The following LAMA5 variants were observed in gnomAD, a reference collection of about 807,000 sequenced individuals.
LAMA5 encodes laminin subunit alpha-5.
LAMA5 carries 260 observed loss-of-function variants against 433.4 expected under a neutral mutation model. The observed-to-expected ratio is 0.60, with a 90% CI of 0.54 to 0.66. The LOEUF is 0.66. Ranked by LOEUF, LAMA5 falls within the 30% of genes least tolerant of loss-of-function variation. The pLI is 0.00. For missense variants in LAMA5, 5,378 were observed against 5,258.5 expected, an observed-to-expected ratio of 1.02 and a Z score of -0.70; for synonymous variants, 2,620 against 2,226.6, an observed-to-expected ratio of 1.18 and a Z score of -4.97.
In LAMA5 at chr20:62,309,278, C is replaced by CA; in HGVS notation, c.*57dup. ...CAAATAGACACCTATGAGGCGAGCA[C>CA]AAGGGGCGGTGTGAGGCAGCTGCAG... On this transcript the variant is annotated 3_prime_UTR_variant, in exon 80 of 80. Coordinates refer to ENST00000252999, the MANE Select transcript of LAMA5 (RefSeq NM_005560.6). The CA allele has an allele frequency of 3.9e-6, 6 of 1,555,848 alleles. No homozygotes were observed. The South Asian group carries it at 6.9e-5, about 18-fold the overall frequency.
rs1179683393 is a variant in LAMA5 at position 62,346,874 on chromosome 20, G to T, written c.1072+39C>A. The T allele has an allele frequency of 4.4e-6, 7 of 1,608,792 alleles. No individual in the cohort carries two copies. The East Asian group carries it at 1.6e-4, about 36-fold the overall frequency. On this transcript the variant is annotated intron_variant, in intron 7 of 79. Transcript: ENST00000252999. Reference sequence around the variant, plus strand: ...CACCGGGGCCCTCTCATGGGCCAGGGTGTGGGCAGGACACACGTGTGTGGG... The same window carrying T: ...CACCGGGGCCCTCTCATGGGCCAGGTTGTGGGCAGGACACACGTGTGTGGG...
chr20:62,322,306 G>A lies in LAMA5; in HGVS notation c.6309C>T (p.Ala2103=). The change falls in exon 47 of 80, where the codon GCC becomes GCT. Residue 2103 remains alanine, a synonymous_variant. Transcript: ENST00000252999. The part of the protein sequence containing the change: ...GTMGPQCREC[A]PGYWGLPEQG... Reference sequence around the variant, plus strand: ...GCTCAGGGAGCCCCCAGTAGCCAGGGGCACACTCGCGGCACTGGGGTCCCA... The same window carrying A: ...GCTCAGGGAGCCCCCAGTAGCCAGGAGCACACTCGCGGCACTGGGGTCCCA... 4 of 1,600,780 alleles carry A rather than the reference G, an allele frequency of 2.5e-6. No individual in the cohort carries two copies. The highest frequency in any genetic ancestry group is 2.2e-5 in the South Asian group (2 of 89,656).
Position 62,318,883 on chromosome 20 carries a change from C to G in LAMA5, c.7002G>C (p.Pro2334=). Reference sequence around the variant, plus strand: ...CCAACTCAGCCTCAGCTGCTGCCTGCGGGGCCCCCAGGTCCCGGGCCCGCA... The same window carrying G: ...CCAACTCAGCCTCAGCTGCTGCCTGGGGGGCCCCCAGGTCCCGGGCCCGCA... ...WEMRARDLGA[P]QAAAEAELAA... Residue 2334 remains proline (P), a synonymous_variant, in exon 52 of 80, where the codon CCG becomes CCC. Transcript: ENST00000252999. 1 of 1,608,672 alleles carries G rather than the reference C, an allele frequency of 6.2e-7. No individual in the cohort carries two copies. Among genetic ancestry groups the G allele is most frequent in the Non-Finnish European group, 8.5e-7 (1 of 1,179,002 alleles).
chr20:62,316,672 A>G lies in LAMA5; in HGVS notation c.7755T>C (p.Leu2585=), dbSNP rs1986966936. ...AMLQEQQRLG[L]VWAALQGART... ...CCCCCATCGGAGCCCAGCACTCACC[A>G]AGGCCCAGCCTCTGCTGTTCCTGGA... Residue 2585 remains leucine (L), a splice_region_variant and synonymous_variant, in exon 57 of 80, where the codon CTT becomes CTC. Coordinates refer to ENST00000252999, the MANE Select transcript of LAMA5 (RefSeq NM_005560.6). The G allele has an allele frequency of 2.5e-6, 4 of 1,588,090 alleles. No homozygotes were observed. Among genetic ancestry groups the G allele is most frequent in the Non-Finnish European group, 8.6e-7 (1 of 1,163,906 alleles).
intron 58 of LAMA5, 128 bp downstream of exon 58, chr20:62,315,820 C>T (rs900758856): frequency 2.0e-5 from 14 of 708,148 alleles, no homozygotes; most frequent in African/African-American, 1.4e-4. Flanking sequence ...TGTGTCTGGC[C>T]CCAGCTGCCC....
At chr20:62,333,847 G>A (rs998291116) in intron 23 of LAMA5, 54 bp downstream of exon 23, 13 of 1,471,734 alleles carry the variant, frequency 8.8e-6, no homozygotes, top group Non-Finnish European at 1.1e-5. Context: ...GTGGGGTGGG[G>A]TGGGGTGGGC....
chr20:62,334,494 C>T, intron 21 of LAMA5, 28 bp downstream of exon 21: 2 of 1,540,796 alleles, frequency 1.3e-6, no homozygotes, highest in Non-Finnish European at 1.8e-6. Flanking sequence ...CCCCGCTCCC[C>T]ACCACCCAGT....
In LAMA5 at chr20:62,333,120, G is replaced by A. The variant is rs201249114; in HGVS notation, c.3252C>T (p.His1084=). 255 of 1,479,616 alleles carry A rather than the reference G, an allele frequency of 1.7e-4. 2 individuals are homozygous for A. The African/African-American group carries it at 3.4e-3, about 20-fold the overall frequency. 91.7% of individuals were successfully genotyped at this position (1,479,616 alleles called of 1,614,324 possible). ...PCPTEQLSPS[H]PPLITCTGSD... is the part of the protein sequence containing the mutation. ...TGCCCGTGCAGGTGATCAGTGGCGGGTGCGACGGGCTGAGCTGCTCCGTGG... is the reference window on the plus strand; with the variant it reads ...TGCCCGTGCAGGTGATCAGTGGCGGATGCGACGGGCTGAGCTGCTCCGTGG... Residue 1084 remains histidine (H), a synonymous_variant, in exon 26 of 80, where the codon CAC becomes CAT. Coordinates refer to ENST00000252999, the MANE Select transcript of LAMA5 (RefSeq NM_005560.6).
In LAMA5 at chr20:62,337,713, C is replaced by T. The variant is rs1244551591; in HGVS notation, c.2041G>A (p.Ala681Thr). The T allele has an allele frequency of 6.2e-7, 1 of 1,609,784 alleles. No homozygotes were observed. The highest frequency in any genetic ancestry group is 1.3e-5 in the African/African-American group (1 of 74,930). The change falls in exon 16 of 80, where the codon GCT becomes ACT. Residue 681 changes from alanine (A) to threonine (T), a missense_variant. Transcript: ENST00000252999. The part of the protein sequence containing the change: ...FPSCVPCHCS[A>T]EGSLHAACDP... ...CAGGCTGCGTGCAGGGAGCCTTCAG[C>T]AGAGCAGTGGCAGGCTGCAGACAAG...
At chr20:62,353,777 C>A (rs1272548518) in intron 2 of LAMA5, among the ~76,000 whole-genome samples, 1 of 152,148 alleles carries the variant, frequency 6.6e-6, no homozygotes, top group Non-Finnish European at 1.5e-5. Flanking sequence ...GGGGCCCCTG[C>A]CCCCACCTCA....
intron 31 of LAMA5, among the ~76,000 whole-genome samples, chr20:62,330,151 C>G (rs1002221634): frequency 6.6e-6 from 1 of 152,238 alleles, no homozygotes; most frequent in Non-Finnish European, 1.5e-5. Context: ...ACTCCATGTG[C>G]GGGACCCCAG....
intron 79 of LAMA5, 74 bp downstream of exon 79, chr20:62,309,642 G>GCGGGT (rs1985965267): frequency 1.2e-6 from 1 of 855,480 alleles, no homozygotes. Context: ...GGAGGGGTGG[G>GCGGGT]GGGAGGGTGG....
At chr20:62,317,051 T>A (rs772908559) in intron 55 of LAMA5, 28 bp from the exon 56 acceptor site, 1 of 1,508,770 alleles carries the variant, frequency 6.6e-7, no homozygotes, top group South Asian at 1.3e-5. Context: ...GTCGAAGGAG[T>A]GGGTAAGCGC....
chr20:62,356,858 C>T (rs1452788079), intron 2 of LAMA5, among the ~76,000 whole-genome samples: 3 of 152,250 alleles, frequency 2.0e-5, no homozygotes, highest in South Asian at 2.1e-4. Context: ...ACGCCAGCTG[C>T]TCCTGGAGGG....
chr20:62,336,491 C>T, intron 17 of LAMA5, 46 bp from the exon 18 acceptor site: 1 of 1,506,678 alleles, frequency 6.6e-7, no homozygotes, highest in South Asian at 1.2e-5. Context: ...CCCTGCTCTC[C>T]CACCCACAAA....
chr20:62,319,254 G>A, intron 51 of LAMA5: 1 of 558,448 alleles, frequency 1.8e-6, no homozygotes. Flanking sequence ...CAGCTTCTGA[G>A]CCTTCTCGTC....
Position 62,333,689 on chromosome 20 carries a change from G to A in LAMA5, c.2896C>T (p.Pro966Ser), listed in dbSNP as rs1377853521. The A allele has an allele frequency of 6.3e-7, 1 of 1,594,162 alleles. No individual in the cohort carries two copies. Among genetic ancestry groups the A allele is most frequent in the Non-Finnish European group, 8.5e-7 (1 of 1,172,178 alleles). ...TCCGTGCTGGGTGGGAAGGCCACGG[G>A]CTGACTCTGTGCTGTGCCTGGGCGG... The part of the protein sequence containing the change: ...TCANCTAQSQ[P>S]VAFPPSTEPA... The change falls in exon 24 of 80, where the codon CCC becomes TCC. Residue 966 changes from proline (P) to serine (S), a missense_variant. Physicochemically the swap from Pro to Ser is moderately conservative, Grantham distance 74. Coordinates refer to ENST00000252999, the MANE Select transcript of LAMA5 (RefSeq NM_005560.6).
Position 62,324,413 on chromosome 20 carries a change from C to T in LAMA5, c.5643+28G>A. 6.4e-7 allele frequency: 1 copy of T among 1,559,014 alleles called. No homozygotes were observed. Among genetic ancestry groups the T allele is most frequent in the Non-Finnish European group, 8.8e-7 (1 of 1,136,076 alleles). ...TGACTGTGCCTTCAGTGAATGCTGC[C>T]CCCCTGGCCCCACCAGCCCCTACTC... On this transcript the variant is annotated intron_variant, in intron 42 of 79. Coordinates refer to ENST00000252999, the MANE Select transcript of LAMA5 (RefSeq NM_005560.6). This position sits in a 1 kb window ranked among gnomAD's most constrained non-coding sequence, Gnocchi z 4.4.
intron 1 of LAMA5, among the ~76,000 whole-genome samples, chr20:62,364,232 G>A (rs190773404): frequency 5.3e-4 from 81 of 152,324 alleles, no homozygotes; most frequent in Middle Eastern, 3.4e-3. Flanking sequence ...ACAGCACGGC[G>A]CACACAGGTC....
Sources: allele counts gnomAD v4.1 joint callset (sites outside exome capture counted in the v4.1 genomes callset), GRCh38; gene constraint gnomAD v4.1.1; non-coding constraint Gnocchi (gnomAD v3.1); transcripts MANE v1.5; gene names NCBI Gene and HGNC (gene_info 2026-07-23, HGNC 2026-07-21).